Variants in CHST9 observed in about 807,000 individuals in gnomAD.
CHST9 encodes GalNAc-4-sulfotransferase 2.
In CHST9, 41 loss-of-function variants were observed where a neutral mutation model predicts 44.4. The ratio of observed to expected loss-of-function variants is 0.92; its 90% CI spans 0.72 to 1.20. The LOEUF (loss-of-function observed/expected upper bound fraction) is 1.20, where lower values mean the gene tolerates loss of function less well. CHST9 is among the 50% of genes most tolerant of loss of function. The pLI is 0.00. For synonymous variants in CHST9, 171 were observed against 178.4 expected (o/e 0.96, Z 0.33); for missense variants, 504 against 516.5 (o/e 0.98, Z 0.23).
chr18:26,980,203 G>A (rs191357810), intron 4 of CHST9, among the ~76,000 whole-genome samples: 358 of 152,150 alleles, frequency 2.4e-3, no homozygotes, highest in Middle Eastern at 3.4e-3. Context: ...AGGATGTTTT[G>A]TTATGGTTAT....
chr18:27,123,573 G>A (rs2058393912), intron 2 of CHST9, among the ~76,000 whole-genome samples: 1 of 152,136 alleles, frequency 6.6e-6, no homozygotes, highest in Non-Finnish European at 1.5e-5. Flanking sequence ...GTCTGGGGAG[G>A]GCTAATAGGC....
At chr18:27,129,626 C>T (rs9953272) in intron 2 of CHST9, among the ~76,000 whole-genome samples, 1,607 of 152,210 alleles carry the variant, frequency 0.011, 23 homozygotes, top group African/African-American at 0.034. Context: ...CTCCTGACCT[C>T]AAATGTTCCA....
At chr18:27,126,002 A>G (rs916384148) in intron 2 of CHST9, among the ~76,000 whole-genome samples, 2 of 152,236 alleles carry the variant, frequency 1.3e-5, no homozygotes, top group African/African-American at 4.8e-5. Flanking sequence ...TATTTATTAC[A>G]GAAAAAAACA....
Position 26,917,296 on chromosome 18 carries a change from G to A in CHST9, c.295C>T (p.Leu99Phe). 1 of 1,612,950 alleles carries A rather than the reference G, an allele frequency of 6.2e-7. No individual in the cohort carries two copies. Among genetic ancestry groups the A allele is most frequent in the Non-Finnish European group, 8.5e-7 (1 of 1,179,566 alleles). ...DVREKKENLL[L>F]NSERSTRLLT... ...AGCCTAGTAGATCTCTCAGAATTGA[G>A]TAGAAGATTTTCCTTTTTTTCTCGT... The change falls in exon 6 of 6, where the codon CTC becomes TTC. Residue 99 changes from leucine (L) to phenylalanine (F), a missense_variant. Coordinates refer to ENST00000618847, the MANE Select transcript of CHST9 (RefSeq NM_031422.6).
rs1212502101 is a variant in CHST9, at chr18:27,066,134, ATCTGGG to A, written c.122-17637_122-17632del. ...CTCATGAAGGGTGGGAGACTTTTGG[ATCTGGG>A]CAACAAAGTCAAAAGGAGAAGAACT... On this transcript the variant is annotated intron_variant, in intron 2 of 5. Transcript: ENST00000618847. Among the ~76,000 whole-genome samples the A allele has an allele frequency of 2.0e-4, 30 of 152,342 alleles. No individual in the cohort carries two copies. The South Asian group carries it at 5.2e-3, about 26-fold the overall frequency.
At chr18:26,937,286 G>A (rs1465908769) in intron 5 of CHST9, among the ~76,000 whole-genome samples, 1 of 152,048 alleles carries the variant, frequency 6.6e-6, no homozygotes, top group East Asian at 1.9e-4. Flanking sequence ...AGGGACCCTG[G>A]AGTATATGTA....
intron 2 of CHST9, among the ~76,000 whole-genome samples, chr18:27,082,095 G>T (rs1568164683): frequency 6.6e-6 from 1 of 152,086 alleles, no homozygotes; most frequent in South Asian, 2.1e-4. Context: ...TCCCCTAAAA[G>T]TGTACCTAAG....
chr18:27,031,924 C>A (rs933903105), intron 3 of CHST9, among the ~76,000 whole-genome samples: 19 of 152,188 alleles, frequency 1.2e-4, no homozygotes, highest in African/African-American at 4.6e-4. Flanking sequence ...AGGCCAAGCC[C>A]TTTATATATA....
At chr18:27,079,357 A>C (rs1388235832) in intron 2 of CHST9, among the ~76,000 whole-genome samples, 1 of 152,216 alleles carries the variant, frequency 6.6e-6, no homozygotes, top group African/African-American at 2.4e-5. Flanking sequence ...GAATTGTGTT[A>C]TAAAGTATAG....
intron 4 of CHST9, among the ~76,000 whole-genome samples, chr18:26,994,591 T>A (rs1206919374): frequency 6.6e-6 from 1 of 152,084 alleles, no homozygotes; most frequent in African/African-American, 2.4e-5. Context: ...TGATTCTTTT[T>A]TTGCGGGGCT....
intron 2 of CHST9, among the ~76,000 whole-genome samples, chr18:27,070,670 G>C (rs1260516332): frequency 8.5e-6 from 1 of 118,094 alleles, no homozygotes; most frequent in African/African-American, 3.7e-5. Flanking sequence ...AAAGAGGTTT[G>C]ACCTTGTCCT....
intron 2 of CHST9, among the ~76,000 whole-genome samples, chr18:27,120,787 T>C (rs1264426310): frequency 2.6e-5 from 4 of 152,158 alleles, no homozygotes; most frequent in Non-Finnish European, 5.9e-5. Context: ...TCATGTAACA[T>C]ATTTGGATGG....
chr18:27,034,786 G>A (rs538328538), intron 3 of CHST9, among the ~76,000 whole-genome samples: 73 of 152,302 alleles, frequency 4.8e-4, no homozygotes, highest in African/African-American at 1.7e-3. Context: ...TGTGATGCCT[G>A]TCTACAACTC....
intron 2 of CHST9, among the ~76,000 whole-genome samples, chr18:27,056,725 C>T (rs2057660752): frequency 6.6e-6 from 1 of 152,090 alleles, no homozygotes; most frequent in Admixed American, 6.6e-5. Flanking sequence ...TCCTTAATAG[C>T]ATATAATAAT....
chr18:27,160,538 C>T lies in CHST9; in HGVS notation c.-96-17633G>A, dbSNP rs1343667811. On this transcript the variant is annotated intron_variant, in intron 1 of 5. Transcript: ENST00000618847. ...AGTATTTTATTGAGGATTTTTGCATCGATGTTCATCAGGGGTATTGGTCCA... is the reference window on the plus strand; with the variant it reads ...AGTATTTTATTGAGGATTTTTGCATTGATGTTCATCAGGGGTATTGGTCCA... 5.3e-5 allele frequency among the ~76,000 whole-genome samples: 8 copies of T among 152,166 alleles called. No homozygotes were observed. The East Asian group carries it at 7.7e-4, about 15-fold the overall frequency.
intron 1 of CHST9, among the ~76,000 whole-genome samples, chr18:27,170,969 C>T (rs925876118): frequency 1.3e-5 from 2 of 152,186 alleles, no homozygotes; most frequent in Non-Finnish European, 2.9e-5. Flanking sequence ...GGACATCAGG[C>T]TGGAGAAAAT....
At chr18:26,936,542 C>T (rs867180182) in intron 5 of CHST9, 2 of 152,118 alleles carry the variant, frequency 1.3e-5, no homozygotes, top group African/African-American at 4.8e-5. Flanking sequence ...ATGAGTTACT[C>T]AATACTGAAC....
At chr18:26,924,308 CCTCT>C in intron 5 of CHST9, among the ~76,000 whole-genome samples, 1 of 152,278 alleles carries the variant, frequency 6.6e-6, no homozygotes, top group African/African-American at 2.4e-5. Context: ...CTCCCCATTT[CCTCT>C]CTGAGAGAAG....
chr18:27,064,553 G>A (rs577136894), intron 2 of CHST9, among the ~76,000 whole-genome samples: 8 of 152,288 alleles, frequency 5.3e-5, no homozygotes, highest in South Asian at 4.1e-4. Context: ...CATGGATGGC[G>A]GAACTATTCA....
Sources: allele counts gnomAD v4.1 joint callset (sites outside exome capture counted in the v4.1 genomes callset), GRCh38; gene constraint gnomAD v4.1.1; transcripts MANE v1.5; gene names NCBI Gene and HGNC (gene_info 2026-07-23, HGNC 2026-07-21).